Variants in RAF1 observed in about 807,000 individuals in gnomAD.
RAF1 encodes the protein Raf-1 proto-oncogene, serine/threonine kinase.
RAF1 carries 27 observed loss-of-function variants against 81.1 expected under a neutral mutation model. The ratio of observed to expected loss-of-function variants is 0.33; its 90% CI spans 0.25 to 0.46. The LOEUF (loss-of-function observed/expected upper bound fraction) is 0.46, where lower values mean the gene tolerates loss of function less well. RAF1 is among the 20% of genes least tolerant of loss of function. The pLI is 1.00. For missense variants in RAF1, 598 were observed against 826.0 expected (o/e 0.72, Z 3.38); for synonymous variants, 298 against 294.0 (o/e 1.01, Z -0.14).
chr3:12,585,795 T>G lies in RAF1; in HGVS notation c.1482A>C (p.Ile494=), dbSNP rs773666695. 8.1e-6 allele frequency: 13 copies of G among 1,602,908 alleles called. No individual in the cohort carries two copies. Among genetic ancestry groups the G allele is most frequent in the African/African-American group, 2.7e-5 (2 of 74,696 alleles). The change falls in exon 15 of 18, where the codon ATA becomes ATC. Residue 494 remains isoleucine, a synonymous_variant. Coordinates refer to ENST00000442415, the MANE Select transcript of RAF1 (RefSeq NM_001354689.3). ...TCACTGTTAAGCCTTCATGGAGAAATATATCTCAATGCTTGTTAAGGACTC... is the reference window on the plus strand; with the variant it reads ...TCACTGTTAAGCCTTCATGGAGAAAGATATCTCAATGCTTGTTAAGGACTC...
chr3:12,590,139 G>C (rs1291474197), intron 13 of RAF1: 1 of 152,046 alleles, frequency 6.6e-6, no homozygotes, highest in Non-Finnish European at 1.5e-5. Context: ...AACAACATCT[G>C]CTTAAACCCT....
chr3:12,642,917 G>A (rs1283867218), intron 1 of RAF1, among the ~76,000 whole-genome samples: 1 of 151,698 alleles, frequency 6.6e-6, no homozygotes, highest in African/African-American at 2.4e-5. Flanking sequence ...AGTCAAGAAT[G>A]CATTCTTGAG....
intron 5 of RAF1, among the ~76,000 whole-genome samples, chr3:12,607,710 T>G (rs892297996): frequency 2.7e-4 from 41 of 150,768 alleles, no homozygotes; most frequent in Admixed American, 1.7e-3. Context: ...CCCAGCACTT[T>G]GGGAGGCCGA....
rs1457670031 is a variant in RAF1 at position 12,604,215 on chromosome 3, G to A, written c.755C>T (p.Ser252Phe). The A allele has an allele frequency of 6.2e-7, 1 of 1,614,094 alleles. No homozygotes were observed. Among genetic ancestry groups the A allele is most frequent in the Non-Finnish European group, 8.5e-7 (1 of 1,179,970 alleles). Reference sequence around the variant, plus strand: ...TGTGGATGTCGACCTCTGCCTCTGGGAGAGGGAACCTTCAGATGAGGGACT... The same window carrying A: ...TGTGGATGTCGACCTCTGCCTCTGGAAGAGGGAACCTTCAGATGAGGGACT... The change falls in exon 7 of 18, where the codon TCC (serine) becomes TTC (phenylalanine). Residue 252 changes from serine (S) to phenylalanine (F), a missense_variant. This residue lies in a region of RAF1 where 194 missense variants were observed against 202.7 expected (regional missense o/e 0.96). Coordinates refer to ENST00000442415, the MANE Select transcript of RAF1 (RefSeq NM_001354689.3).
At chr3:12,622,218 C>A (rs2059576817) in intron 1 of RAF1, among the ~76,000 whole-genome samples, 2 of 152,038 alleles carry the variant, frequency 1.3e-5, no homozygotes, top group South Asian at 4.1e-4. Flanking sequence ...GATGGAGGAG[C>A]TTAAGACCAG....
intron 17 of RAF1, 49 bp from the exon 17 acceptor site, chr3:12,584,706 A>T (rs2125317995): frequency 6.2e-7 from 1 of 1,613,836 alleles, no homozygotes; most frequent in East Asian, 2.2e-5. Context: ...TCAAAGACAC[A>T]GGATGTACCC....
intron 1 of RAF1, among the ~76,000 whole-genome samples, chr3:12,620,931 AGTTCATTCAGAGTTCAGAG>A (rs759314834): frequency 0.14 from 21,353 of 151,636 alleles, 1,774 homozygotes; most frequent in African/African-American, 0.22. Context: ...TTCAGAGTTC[AGTTCATTCAGAGTTCAGAG>A]TTCAGTTCAT....
intron 13 of RAF1, chr3:12,590,215 G>GT (rs1302306971): frequency 6.3e-6 from 1 of 158,072 alleles, no homozygotes; most frequent in Non-Finnish European, 1.4e-5. Flanking sequence ...CAAGCAGAAG[G>GT]TACATGCACC....
chr3:12,591,209 A>G (rs1179801919), intron 12 of RAF1, among the ~76,000 whole-genome samples: 1 of 152,142 alleles, frequency 6.6e-6, no homozygotes, highest in East Asian at 1.9e-4. Context: ...TTGCTTACAG[A>G]GAGGACATTC....
At chr3:12,611,641 G>A (rs946865145) in intron 3 of RAF1, among the ~76,000 whole-genome samples, 4 of 152,192 alleles carry the variant, frequency 2.6e-5, no homozygotes, top group East Asian at 1.9e-4. Flanking sequence ...CGGAGCTTGC[G>A]GTGAGCCGAG....
At chr3:12,620,092 A>G (rs1311127771) in intron 1 of RAF1, among the ~76,000 whole-genome samples, 1 of 152,168 alleles carries the variant, frequency 6.6e-6, no homozygotes, top group African/African-American at 2.4e-5. Flanking sequence ...AAAAAAAATA[A>G]TAATAATAAA....
intron 1 of RAF1, among the ~76,000 whole-genome samples, chr3:12,633,120 T>C (rs763220655): frequency 1.3e-5 from 2 of 151,922 alleles, no homozygotes; most frequent in Admixed American, 1.3e-4. Context: ...TCTTATCTTT[T>C]AAAAAAATAA....
intron 6 of RAF1, among the ~76,000 whole-genome samples, chr3:12,605,295 A>G (rs1309633389): frequency 1.0e-5 from 1 of 99,824 alleles, no homozygotes; most frequent in Non-Finnish European, 2.3e-5. Flanking sequence ...TACATAATAT[A>G]TTTTTTTTTG....
chr3:12,600,308 A>G lies in RAF1; in HGVS notation c.923-29T>C, dbSNP rs779089155. On this transcript the variant is annotated intron_variant, in intron 9 of 17. Transcript: ENST00000442415. ...AATAGACAAGACAAACAGAAGCCAC[A>G]CAAGGATAAGCCAACAGAAGATACA... is the stretch of plus-strand genomic sequence containing the variant. 2.5e-6 allele frequency: 4 copies of G among 1,614,080 alleles called. No homozygotes were observed. In the African/African-American group the frequency reaches 4.0e-5, roughly 16 times the overall value.
In RAF1 at chr3:12,587,765, C is replaced by G. The variant is rs2058373096; in HGVS notation, c.1431-128G>C. ...AAGGAGTGTTACACACAGGGATAGA[C>G]CCTGTGCTGTTCAGCCTGGTTCACA... On this transcript the variant is annotated intron_variant, in intron 13 of 17. Coordinates refer to ENST00000442415, the MANE Select transcript of RAF1 (RefSeq NM_001354689.3). 3 of 760,016 alleles carry G rather than the reference C, an allele frequency of 3.9e-6. No homozygotes were observed. The Admixed American group carries it at 5.9e-5, about 15-fold the overall frequency. The allele number at this position is 760,016 out of a possible 1,614,324, so 47.1% of individuals were successfully genotyped here.
Sources: allele counts gnomAD v4.1 joint callset (sites outside exome capture counted in the v4.1 genomes callset), GRCh38; gene constraint gnomAD v4.1.1; regional missense constraint gnomAD v4.1.1; transcripts MANE v1.5; gene names NCBI Gene and HGNC (gene_info 2026-07-23, HGNC 2026-07-21).